Variants in NDFIP2 observed in about 807,000 individuals in gnomAD.
The protein encoded by NDFIP2 is NEDD4 family-interacting protein 2.
NDFIP2 carries 19 observed loss-of-function variants against 36.0 expected under a neutral mutation model. That is an observed-to-expected ratio of 0.53 (90% CI 0.37 to 0.77). The LOEUF is 0.77. Ranked by LOEUF, NDFIP2 falls within the 30% of genes least tolerant of loss-of-function variation. NDFIP2 has a pLI of 0.00. For missense variants in NDFIP2, 446 were observed against 435.8 expected, an observed-to-expected ratio of 1.02 and a Z score of -0.21; for synonymous variants, 181 against 167.7, an observed-to-expected ratio of 1.08 and a Z score of -0.61.
intron 1 of NDFIP2, among the ~76,000 whole-genome samples, chr13:79,504,290 T>G (rs917973167): frequency 1.3e-5 from 2 of 152,152 alleles, no homozygotes; most frequent in African/African-American, 4.8e-5. Context: ...TTACCCAGTT[T>G]CCCCAAATAA....
At chr13:79,482,845 A>G (rs1476105061) in intron 1 of NDFIP2, among the ~76,000 whole-genome samples, 1 of 152,206 alleles carries the variant, frequency 6.6e-6, no homozygotes, top group Non-Finnish European at 1.5e-5. Flanking sequence ...CTTGGGAAAT[A>G]CTGTTTCTCC....
At chr13:79,536,100 A>G (rs1253532601) in intron 3 of NDFIP2, among the ~76,000 whole-genome samples, 2 of 152,198 alleles carry the variant, frequency 1.3e-5, no homozygotes, top group African/African-American at 4.8e-5. Flanking sequence ...AATTGCACGT[A>G]TGTTATGGAA....
intron 1 of NDFIP2, among the ~76,000 whole-genome samples, chr13:79,487,945 A>T (rs116272854): frequency 2.0e-3 from 309 of 152,252 alleles, no homozygotes; most frequent in African/African-American, 7.1e-3. Context: ...CTATAATTGA[A>T]AGAAGGAGGT....
At chr13:79,539,873 T>C (rs900334630) in intron 4 of NDFIP2, 98 bp downstream of exon 4, 34 of 905,202 alleles carry the variant, frequency 3.8e-5, no homozygotes, top group Non-Finnish European at 5.1e-5. Context: ...TGTTAGCATA[T>C]GTCTACCTTT....
intron 6 of NDFIP2, among the ~76,000 whole-genome samples, chr13:79,550,607 T>C (rs751820663): frequency 6.6e-6 from 1 of 151,592 alleles, no homozygotes; most frequent in Non-Finnish European, 1.5e-5. Context: ...ATTTCCTTTT[T>C]ATCTACTTTA....
chr13:79,482,436 C>G (rs2079820786), intron 1 of NDFIP2, among the ~76,000 whole-genome samples: 1 of 151,980 alleles, frequency 6.6e-6, no homozygotes, highest in African/African-American at 2.4e-5. Flanking sequence ...ATGGACTGAG[C>G]AATAGTTGAC....
Position 79,509,688 on chromosome 13 carries a change from T to TAGAG in NDFIP2, c.322-11121_322-11120insGAGA, listed in dbSNP as rs147787220. Reference sequence around the variant, plus strand: ...GATGTATATTATCGATATATATATATATAGAGAGAGAGAGAGAGAAGTTTA... The same window carrying TAGAG: ...GATGTATATTATCGATATATATATATAGAGATAGAGAGAGAGAGAGAGAAGTTTA... On this transcript the variant is annotated intron_variant, in intron 1 of 7. Coordinates refer to ENST00000218652, the MANE Select transcript of NDFIP2 (RefSeq NM_019080.3). Among the ~76,000 whole-genome samples the TAGAG allele has an allele frequency of 7.7e-3, 1,088 of 140,426 alleles. 17 individuals carry two copies. Among genetic ancestry groups the TAGAG allele is most frequent in the African/African-American group, 0.028 (985 of 35,146 alleles). 92.1% of individuals were successfully genotyped at this position (140,426 alleles called of 152,430 possible).
At chr13:79,546,159 T>A (rs187092173) in intron 5 of NDFIP2, among the ~76,000 whole-genome samples, 2 of 152,316 alleles carry the variant, frequency 1.3e-5, no homozygotes, top group East Asian at 3.9e-4. Context: ...AACATTCCTC[T>A]TAGAGTTTAG....
chr13:79,546,373 A>G (rs1022317751), intron 5 of NDFIP2, among the ~76,000 whole-genome samples: 1 of 152,188 alleles, frequency 6.6e-6, no homozygotes, highest in Admixed American at 6.5e-5. Flanking sequence ...TATGTGTTTT[A>G]TTAAAAACTA....
intron 2 of NDFIP2, among the ~76,000 whole-genome samples, chr13:79,524,327 CA>C (rs1183283671): frequency 2.6e-5 from 4 of 152,208 alleles, no homozygotes. Flanking sequence ...AACTTTACTC[CA>C]AACATTCTTC....
chr13:79,490,269 A>G (rs556312680), intron 1 of NDFIP2, among the ~76,000 whole-genome samples: 11 of 152,278 alleles, frequency 7.2e-5, no homozygotes, highest in East Asian at 5.8e-4. Flanking sequence ...TTGGAGTCCT[A>G]TTGGAGTTTA....
intron 6 of NDFIP2, among the ~76,000 whole-genome samples, chr13:79,549,630 G>C (rs770821063): frequency 6.6e-6 from 1 of 151,984 alleles, no homozygotes; most frequent in African/African-American, 2.4e-5. Context: ...TAGCCACTGA[G>C]CGATTGGTTT....
intron 1 of NDFIP2, among the ~76,000 whole-genome samples, chr13:79,487,061 C>A (rs918663929): frequency 1.3e-5 from 2 of 152,080 alleles, no homozygotes; most frequent in Admixed American, 6.6e-5. Context: ...ATCACTCTGG[C>A]GATTAGGGTT....
At chr13:79,542,038 C>T (rs770329226) in intron 4 of NDFIP2, among the ~76,000 whole-genome samples, 18 of 152,152 alleles carry the variant, frequency 1.2e-4, no homozygotes, top group Non-Finnish European at 2.2e-4. Flanking sequence ...GTGCATATCT[C>T]TGATCTTATT....
intron 3 of NDFIP2, among the ~76,000 whole-genome samples, chr13:79,538,446 C>G (rs1275104421): frequency 1.3e-5 from 2 of 152,096 alleles, no homozygotes; most frequent in Non-Finnish European, 2.9e-5. Context: ...CAAAAACAAG[C>G]TAATTACTTC....
At chr13:79,502,585 C>T (rs1285361990) in intron 1 of NDFIP2, among the ~76,000 whole-genome samples, 1 of 152,030 alleles carries the variant, frequency 6.6e-6, no homozygotes, top group Non-Finnish European at 1.5e-5. Flanking sequence ...GAATAGTTAT[C>T]AGGAAGCTAA....
chr13:79,489,571 A>G (rs1873146431), intron 1 of NDFIP2, among the ~76,000 whole-genome samples: 1 of 152,218 alleles, frequency 6.6e-6, no homozygotes, highest in South Asian at 2.1e-4. Flanking sequence ...ACACCAGTCA[A>G]TTTGACCCCT....
At chr13:79,509,690 T>TATATAGAGAGAGAGAG (rs113326163) in intron 1 of NDFIP2, among the ~76,000 whole-genome samples, 1 of 147,808 alleles carries the variant, frequency 6.8e-6, no homozygotes, top group African/African-American at 2.5e-5. Context: ...TATATATATA[T>TATATAGAGAGAGAGAG]AGAGAGAGAG....
chr13:79,504,013 ATG>A (rs1427744055), intron 1 of NDFIP2, among the ~76,000 whole-genome samples: 1 of 152,196 alleles, frequency 6.6e-6, no homozygotes, highest in East Asian at 1.9e-4. Context: ...AGTGCCATTC[ATG>A]GAAAGTTGGA....
Sources: allele counts gnomAD v4.1 joint callset (sites outside exome capture counted in the v4.1 genomes callset), GRCh38; gene constraint gnomAD v4.1.1; transcripts MANE v1.5; gene names NCBI Gene and HGNC (gene_info 2026-07-23, HGNC 2026-07-21).